CDH2: variants seen among roughly 807,000 people sequenced by gnomAD.
CDH2 encodes cadherin-2.
Under a neutral mutation model 92.0 loss-of-function variants are expected in CDH2, and 17 were observed. The observed-to-expected ratio is 0.18, with a 90% CI of 0.13 to 0.28. The LOEUF is 0.28. CDH2 is among the 10% of genes least tolerant of loss of function. The probability of loss-of-function intolerance (pLI) is 1.00; values close to 1 mark genes in which losing one functional copy is unlikely to be tolerated. For synonymous variants in CDH2, 419 were observed against 415.9 expected (o/e 1.01, Z -0.09); for missense variants, 862 against 1,133.1 (o/e 0.76, Z 3.44).
At chr18:28,102,044 C>A (rs2015235468) in intron 2 of CDH2, among the ~76,000 whole-genome samples, 1 of 152,052 alleles carries the variant, frequency 6.6e-6, no homozygotes, top group South Asian at 2.1e-4. Flanking sequence ...CCCACAGCCA[C>A]CCATAAAGAA....
At chr18:28,124,001 C>G (rs2015634247) in intron 2 of CDH2, among the ~76,000 whole-genome samples, 1 of 152,078 alleles carries the variant, frequency 6.6e-6, no homozygotes, top group Admixed American at 6.6e-5. Context: ...GATGTAGTAA[C>G]AAGTGAAAGG....
intron 2 of CDH2, among the ~76,000 whole-genome samples, chr18:28,131,649 A>G (rs2015771590): frequency 6.6e-6 from 1 of 151,428 alleles, no homozygotes; most frequent in Non-Finnish European, 1.5e-5. Flanking sequence ...AATTAAGGAT[A>G]AAAGAGAGAA....
chr18:28,128,286 T>C (rs578235951), intron 2 of CDH2, among the ~76,000 whole-genome samples: 1 of 152,216 alleles, frequency 6.6e-6, no homozygotes, highest in Non-Finnish European at 1.5e-5. Flanking sequence ...ATCACTTACA[T>C]AAAGTCACAG....
intron 2 of CDH2, among the ~76,000 whole-genome samples, chr18:28,077,948 C>T (rs1048991285): frequency 8.2e-6 from 1 of 121,940 alleles, no homozygotes; most frequent in African/African-American, 3.0e-5. Context: ...ACATCATTAA[C>T]ATTTAAGCTT....
chr18:27,988,856 T>G (rs1180654657), intron 10 of CDH2, among the ~76,000 whole-genome samples, 190 bp from the exon 11 acceptor site: 1 of 152,200 alleles, frequency 6.6e-6, no homozygotes, highest in Admixed American at 6.5e-5. Context: ...TTGTGTTTGG[T>G]CAGGCATGTA....
chr18:28,167,942 G>A (rs1163574628), intron 1 of CDH2, among the ~76,000 whole-genome samples: 1 of 152,006 alleles, frequency 6.6e-6, no homozygotes, highest in Non-Finnish European at 1.5e-5. Context: ...TACTCAACCC[G>A]AGAGCCATAA....
At chr18:28,064,560 A>AAAATAGGTATAG (rs1348831444) in intron 2 of CDH2, among the ~76,000 whole-genome samples, 2 of 152,142 alleles carry the variant, frequency 1.3e-5, no homozygotes, top group Non-Finnish European at 2.9e-5. Context: ...AATAAAAAAT[A>AAAATAGGTATAG]AAATAGGTAT....
At chr18:27,958,386 T>G (rs1189832713) in intron 15 of CDH2, among the ~76,000 whole-genome samples, 2 of 151,962 alleles carry the variant, frequency 1.3e-5, no homozygotes, top group African/African-American at 4.8e-5. Context: ...AATTATTCAC[T>G]TGGTTTTTAT....
intron 2 of CDH2, among the ~76,000 whole-genome samples, chr18:28,046,691 T>C (rs1430465506): frequency 6.6e-6 from 1 of 152,318 alleles, no homozygotes; most frequent in East Asian, 1.9e-4. Context: ...TTTAGCCTAG[T>C]CAATTAAATA....
At chr18:28,033,532 G>A (rs1240998034) in intron 2 of CDH2, among the ~76,000 whole-genome samples, 1 of 151,892 alleles carries the variant, frequency 6.6e-6, no homozygotes, top group Non-Finnish European at 1.5e-5. Flanking sequence ...GTATCTGACA[G>A]CAGGATTAAG....
intron 2 of CDH2, among the ~76,000 whole-genome samples, chr18:28,122,567 G>A (rs943988252): frequency 6.6e-6 from 1 of 152,120 alleles, no homozygotes; most frequent in Admixed American, 6.6e-5. Flanking sequence ...GTGGTGCTAT[G>A]TAATCTGAAA....
At chr18:27,976,932 C>A (rs1353439574) in intron 14 of CDH2, among the ~76,000 whole-genome samples, 1 of 152,134 alleles carries the variant, frequency 6.6e-6, no homozygotes, top group Non-Finnish European at 1.5e-5. Flanking sequence ...GAGATATCGG[C>A]TATATTGTAC....
chr18:28,053,865 TC>T (rs1359244483), intron 2 of CDH2, among the ~76,000 whole-genome samples: 5 of 152,184 alleles, frequency 3.3e-5, no homozygotes, highest in Admixed American at 2.0e-4. Flanking sequence ...TACCACTGAA[TC>T]TTTTTTGAAG....
rs1040868869 is a variant in CDH2, at chr18:28,053,995, T to C, written c.173-40086A>G. On this transcript the variant is annotated intron_variant, in intron 2 of 15. Coordinates refer to ENST00000269141, the MANE Select transcript of CDH2 (RefSeq NM_001792.5). ...CTGAATCCAGGGTTAGTTTGTGCCA[T>C]GGGAGGCTGCATAACCTGGGGTCAG... Among the ~76,000 whole-genome samples, 23 of 152,232 alleles carry C rather than the reference T, an allele frequency of 1.5e-4. 1 individual carries two copies. In the South Asian group the frequency reaches 1.7e-3, roughly 11 times the overall value.
chr18:28,139,081 CA>C (rs150771575), intron 2 of CDH2, among the ~76,000 whole-genome samples: 3,153 of 152,110 alleles, frequency 0.021, 46 homozygotes, highest in Non-Finnish European at 0.029. Context: ...CTTCTGCTGA[CA>C]TAAAATCATC....
At chr18:28,051,916 G>A (rs1039104803) in intron 2 of CDH2, among the ~76,000 whole-genome samples, 2 of 152,128 alleles carry the variant, frequency 1.3e-5, no homozygotes, top group African/African-American at 4.8e-5. Flanking sequence ...CAATCATCCA[G>A]GTTGGATAGC....
chr18:27,978,199 G>T (rs1325710934), intron 14 of CDH2, among the ~76,000 whole-genome samples: 1 of 151,970 alleles, frequency 6.6e-6, no homozygotes, highest in Non-Finnish European at 1.5e-5. Context: ...AAGATAAATG[G>T]TTTATTTTTC....
intron 1 of CDH2, among the ~76,000 whole-genome samples, chr18:28,167,284 AC>A (rs1379602112): frequency 1.3e-5 from 2 of 152,136 alleles, no homozygotes; most frequent in Non-Finnish European, 2.9e-5. Context: ...TTGCCAAACT[AC>A]CAGAACTATG....
chr18:28,022,340 T>C (rs2013434426), intron 2 of CDH2, among the ~76,000 whole-genome samples: 1 of 152,070 alleles, frequency 6.6e-6, no homozygotes, highest in South Asian at 2.1e-4. Context: ...AGCATATAAT[T>C]ATGATAAGAA....
Sources: gnomAD v4.1 joint callset for allele counts (sites outside exome capture counted in the v4.1 genomes callset) on GRCh38, gnomAD v4.1.1 for gene constraint, MANE v1.5 for transcripts, NCBI Gene and HGNC (gene_info 2026-07-23, HGNC 2026-07-21) for gene names.